Variants in ROBO1 observed in about 807,000 individuals in gnomAD.
The protein encoded by ROBO1 is roundabout homolog 1.
A neutral mutation model predicts 195.9 loss-of-function variants in ROBO1; 149 were observed. The ratio of observed to expected loss-of-function variants is 0.76; its 90% CI spans 0.67 to 0.87. The LOEUF (loss-of-function observed/expected upper bound fraction) is 0.87, where lower values mean the gene tolerates loss of function less well. Ranked by LOEUF, ROBO1 falls within the 40% of genes least tolerant of loss-of-function variation. The pLI is 0.00. For missense variants in ROBO1, 1,933 were observed against 2,068.3 expected (o/e 0.93, Z 1.27); for synonymous variants, 816 against 733.2 (o/e 1.11, Z -1.82).
At chr3:78,981,508 A>G (rs903449232) in intron 3 of ROBO1, among the ~76,000 whole-genome samples, 2 of 152,154 alleles carry the variant, frequency 1.3e-5, no homozygotes, top group African/African-American at 4.8e-5. Context: ...TAAATAGACA[A>G]TCCAGTAGTG....
At position 78,882,594 on chromosome 3, in the gene ROBO1, T is replaced by C. The variant is rs115967544; in HGVS notation, c.499+56007A>G. Among the ~76,000 whole-genome samples, 752 of 152,310 alleles carry C rather than the reference T, an allele frequency of 4.9e-3. 8 individuals carry two copies. Among genetic ancestry groups the C allele is most frequent in the Non-Finnish European group, 7.4e-3 (502 of 68,040 alleles). On this transcript the variant is annotated intron_variant, in intron 4 of 30. Transcript: ENST00000464233. ...TTTCTGTCACCTCGGGGATCATACA[T>C]GTTATCCTCTTTCCACATTTTCCAA...
intron 1 of ROBO1, among the ~76,000 whole-genome samples, chr3:79,666,295 A>G (rs1019654520): frequency 6.6e-6 from 1 of 151,938 alleles, no homozygotes; most frequent in Non-Finnish European, 1.5e-5. Context: ...ACAGCTAAAC[A>G]TTTACCTAAC....
At chr3:79,445,917 G>T (rs1406289533) in intron 2 of ROBO1, among the ~76,000 whole-genome samples, 2 of 152,002 alleles carry the variant, frequency 1.3e-5, no homozygotes, top group Non-Finnish European at 2.9e-5. Context: ...CTCCCAAAGT[G>T]CTGGGATTAC....
chr3:79,749,525 C>T (rs1407705246), intron 1 of ROBO1, among the ~76,000 whole-genome samples: 2 of 152,182 alleles, frequency 1.3e-5, no homozygotes, highest in African/African-American at 4.8e-5. Context: ...ATGGCAGCCC[C>T]TTCCATCACA....
At chr3:78,794,854 T>C (rs2084135609) in intron 4 of ROBO1, among the ~76,000 whole-genome samples, 1 of 146,154 alleles carries the variant, frequency 6.8e-6, no homozygotes, top group East Asian at 2.1e-4. Flanking sequence ...AATGCTGGGA[T>C]TACATGTGTG....
chr3:78,806,936 T>A (rs769326826), intron 4 of ROBO1, among the ~76,000 whole-genome samples: 6 of 151,946 alleles, frequency 3.9e-5, no homozygotes, highest in South Asian at 2.1e-4. Context: ...GCCTCCCAAG[T>A]GGCTAGGATT....
chr3:79,627,924 C>A (rs1376632555), intron 1 of ROBO1, among the ~76,000 whole-genome samples: 1 of 152,058 alleles, frequency 6.6e-6, no homozygotes, highest in Non-Finnish European at 1.5e-5. Context: ...CAGAAAAATG[C>A]AAATCAAAAC....
rs143754844 is a variant in ROBO1 at position 78,834,696 on chromosome 3, G to T, written c.500-87796C>A. On this transcript the variant is annotated intron_variant, in intron 4 of 30. Transcript: ENST00000464233. ...ATCTACTGACAATCTTCTTTATCCG[G>T]CCTTGAGTTACTAGGCACTGTCTAA... Among the ~76,000 whole-genome samples, 1,191 of 151,994 alleles carry T rather than the reference G, an allele frequency of 7.8e-3. 11 individuals carry two copies. Among genetic ancestry groups the T allele is most frequent in the African/African-American group, 0.027 (1,132 of 41,458 alleles).
At chr3:79,665,093 A>T (rs906515908) in intron 1 of ROBO1, among the ~76,000 whole-genome samples, 19 of 151,966 alleles carry the variant, frequency 1.3e-4, no homozygotes, top group African/African-American at 4.1e-4. Context: ...GATATAATTT[A>T]AAAATATTTG....
At chr3:79,022,379 T>C (rs140688568) in intron 3 of ROBO1, among the ~76,000 whole-genome samples, 98 of 152,280 alleles carry the variant, frequency 6.4e-4, no homozygotes, top group African/African-American at 2.3e-3. Context: ...GGCTTCAGGG[T>C]GGAATCTGTC....
intron 2 of ROBO1, among the ~76,000 whole-genome samples, chr3:79,458,255 C>G (rs2039684395): frequency 6.6e-6 from 1 of 152,114 alleles, no homozygotes; most frequent in Non-Finnish European, 1.5e-5. Flanking sequence ...GAAATGTTAA[C>G]GGGCAGAGAA....
At chr3:78,898,123 T>C (rs1018621165) in intron 4 of ROBO1, among the ~76,000 whole-genome samples, 2 of 149,766 alleles carry the variant, frequency 1.3e-5, no homozygotes, top group African/African-American at 4.9e-5. Flanking sequence ...TTAAAACATA[T>C]ATTTTAAGTT....
chr3:78,646,889 ATAGT>A (rs552173624), intron 20 of ROBO1, among the ~76,000 whole-genome samples: 16 of 152,044 alleles, frequency 1.1e-4, no homozygotes, highest in Non-Finnish European at 2.4e-4. Flanking sequence ...AGATTTTCAC[ATAGT>A]TAGGCTAAGT....
intron 2 of ROBO1, among the ~76,000 whole-genome samples, chr3:79,486,382 T>C (rs1249555697): frequency 3.3e-5 from 5 of 152,168 alleles, no homozygotes; most frequent in Admixed American, 6.5e-5. Context: ...AAGACCTTTC[T>C]TGGCCACCCC....
chr3:78,925,825 A>G (rs1346249683), intron 4 of ROBO1, among the ~76,000 whole-genome samples: 1 of 152,030 alleles, frequency 6.6e-6, no homozygotes, highest in Non-Finnish European at 1.5e-5. Context: ...GGATAAAGAA[A>G]AAGAGCCCAG....
chr3:79,624,326 G>A (rs1226522571), intron 1 of ROBO1, among the ~76,000 whole-genome samples: 1 of 152,112 alleles, frequency 6.6e-6, no homozygotes, highest in Non-Finnish European at 1.5e-5. Context: ...AATGATGACA[G>A]GATCAAATAC....
intron 21 of ROBO1, 55 bp from the exon 22 acceptor site, chr3:78,639,953 T>C: frequency 7.4e-7 from 1 of 1,357,060 alleles, no homozygotes; most frequent in Non-Finnish European, 9.9e-7. Context: ...AGTAATATTT[T>C]CTATTTAAAA....
Position 78,660,812 on chromosome 3 carries a change from A to T in ROBO1, c.2320+218T>A, listed in dbSNP as rs533807916. On this transcript the variant is annotated intron_variant, in intron 16 of 30. Coordinates refer to ENST00000464233, the MANE Select transcript of ROBO1 (RefSeq NM_002941.4). Reference sequence around the variant, plus strand: ...TAAGTAATATAATGTTCACATTTACACATTTGAGGTAGGCCACTATTGAAG... The same window carrying T: ...TAAGTAATATAATGTTCACATTTACTCATTTGAGGTAGGCCACTATTGAAG... 57 of 444,470 alleles carry T rather than the reference A, an allele frequency of 1.3e-4. 1 individual carries two copies. The Admixed American group carries it at 1.7e-3, about 13-fold the overall frequency. 27.5% of individuals were successfully genotyped at this position (444,470 alleles called of 1,614,324 possible). A position where few individuals can be genotyped will look rare whatever the true frequency, so the allele number is the denominator to read the frequency against.
At chr3:79,384,147 C>A (rs1322901065) in intron 2 of ROBO1, among the ~76,000 whole-genome samples, 1 of 151,866 alleles carries the variant, frequency 6.6e-6, no homozygotes, top group South Asian at 2.1e-4. Context: ...TGACATTTAA[C>A]AACATTCCAG....
Sources: allele counts gnomAD v4.1 joint callset (sites outside exome capture counted in the v4.1 genomes callset), GRCh38; gene constraint gnomAD v4.1.1; transcripts MANE v1.5; gene names NCBI Gene and HGNC (gene_info 2026-07-23, HGNC 2026-07-21).